FRY: variants seen among roughly 807,000 people sequenced by gnomAD.
FRY encodes the protein protein furry homolog.
Under a neutral mutation model 348.4 loss-of-function variants are expected in FRY, and 128 were observed. The observed-to-expected ratio is 0.37, with a 90% confidence interval of 0.32 to 0.43. The LOEUF (loss-of-function observed/expected upper bound fraction) is 0.43. Among genes scored for constraint, FRY ranks in the 20% least tolerant of loss-of-function variants. The pLI is 1.00. For missense variants in FRY, 2,736 were observed against 3,695.2 expected (o/e 0.74, Z 6.73); for synonymous variants, 1,370 against 1,374.7 (o/e 1.00, Z 0.08).
At chr13:32,214,577 G>T (rs1884877371) in intron 35 of FRY, among the ~76,000 whole-genome samples, 1 of 152,178 alleles carries the variant, frequency 6.6e-6, no homozygotes, top group Non-Finnish European at 1.5e-5. Flanking sequence ...TCAGTGATTA[G>T]TCTACTGTGC....
chr13:32,231,600 G>A (rs1194248488), intron 41 of FRY, among the ~76,000 whole-genome samples: 2 of 152,190 alleles, frequency 1.3e-5, no homozygotes, highest in African/African-American at 4.8e-5. Flanking sequence ...AGGCTATGAG[G>A]AATAAATCTC....
chr13:32,202,493 G>A lies in FRY; in HGVS notation c.3984G>A (p.Arg1328=), dbSNP rs776936188. The A allele has an allele frequency of 6.2e-7, 1 of 1,613,864 alleles. No homozygotes were observed. Among genetic ancestry groups the A allele is most frequent in the South Asian group, 1.1e-5 (1 of 91,070 alleles). ...CCCTCTTGTCATGTGAGCTGGCCAGGATGTACCCTGAGCTCACACTCCCCC... is the reference window on the plus strand; with the variant it reads ...CCCTCTTGTCATGTGAGCTGGCCAGAATGTACCCTGAGCTCACACTCCCCC... The part of the protein sequence containing the change: ...SLALLSCELA[R]MYPELTLPLF... The change falls in exon 31 of 61, where the codon AGG becomes AGA. Residue 1328 remains arginine, a synonymous_variant. Transcript: ENST00000542859.
At chr13:32,183,389 A>C (rs980764282) in intron 24 of FRY, among the ~76,000 whole-genome samples, 6 of 152,238 alleles carry the variant, frequency 3.9e-5, no homozygotes, top group Admixed American at 2.6e-4. Context: ...AATTTGTTTC[A>C]TCTGGCATAC....
intron 23 of FRY, among the ~76,000 whole-genome samples, chr13:32,181,805 AAT>A (rs1593706211): frequency 1.3e-5 from 2 of 152,096 alleles, no homozygotes; most frequent in African/African-American, 4.8e-5. Flanking sequence ...AATAAATAAA[AAT>A]ATATAAGTGT....
intron 1 of FRY, among the ~76,000 whole-genome samples, chr13:32,034,618 G>A (rs1872414573): frequency 6.6e-6 from 1 of 152,148 alleles, no homozygotes; most frequent in South Asian, 2.1e-4. Context: ...CACGGCTGCG[G>A]CCCCTTGTTA....
chr13:32,226,795 A>G (rs1408314501), intron 39 of FRY, among the ~76,000 whole-genome samples: 2 of 152,244 alleles, frequency 1.3e-5, no homozygotes, highest in African/African-American at 4.8e-5. Flanking sequence ...TTGGCTTCTA[A>G]CAGATGTTAA....
chr13:32,165,310 T>C (rs1393367341), intron 17 of FRY, among the ~76,000 whole-genome samples: 1 of 152,238 alleles, frequency 6.6e-6, no homozygotes, highest in Non-Finnish European at 1.5e-5. Flanking sequence ...TTTCCACATA[T>C]GCCTGTGTTG....
intron 22 of FRY, 56 bp downstream of exon 22, chr13:32,179,089 G>A: frequency 7.1e-7 from 1 of 1,414,222 alleles, no homozygotes; most frequent in Non-Finnish European, 9.9e-7. Context: ...TAGCTTGTTT[G>A]TCTAGAGTTC....
intron 14 of FRY, among the ~76,000 whole-genome samples, chr13:32,151,592 T>G (rs1230312899): frequency 1.3e-5 from 2 of 152,272 alleles, no homozygotes; most frequent in Non-Finnish European, 2.9e-5. Context: ...ATCTAAAGGA[T>G]TATCTTACTG....
At chr13:32,189,623 C>G (rs1189272819) in intron 28 of FRY, among the ~76,000 whole-genome samples, 1 of 151,762 alleles carries the variant, frequency 6.6e-6, no homozygotes, top group Non-Finnish European at 1.5e-5. Flanking sequence ...CAAGTTCAAT[C>G]AAGAAAGAGA....
At chr13:32,180,494 C>T (rs1012400685) in intron 23 of FRY, among the ~76,000 whole-genome samples, 1 of 152,240 alleles carries the variant, frequency 6.6e-6, no homozygotes, top group East Asian at 1.9e-4. Flanking sequence ...CTCAGCCCCC[C>T]AAAGTGCTGG....
At chr13:32,034,043 C>CA in intron 1 of FRY, among the ~76,000 whole-genome samples, 1 of 152,204 alleles carries the variant, frequency 6.6e-6, no homozygotes, top group East Asian at 1.9e-4. Context: ...CGGCTAATTG[C>CA]ACCTGCATGC....
chr13:32,208,535 T>C (rs1884489594), intron 31 of FRY, among the ~76,000 whole-genome samples: 1 of 152,184 alleles, frequency 6.6e-6, no homozygotes, highest in Non-Finnish European at 1.5e-5. Flanking sequence ...CACATGCCCT[T>C]CTAACTCCAA....
chr13:32,035,859 TGTCTAATGTTG>T (rs1235677243), intron 1 of FRY, among the ~76,000 whole-genome samples: 1 of 152,196 alleles, frequency 6.6e-6, no homozygotes, highest in Non-Finnish European at 1.5e-5. Context: ...CATTGTGAAA[TGTCTAATGTTG>T]CTGTAGAAAA....
At chr13:32,115,123 A>G (rs1030580154) in intron 3 of FRY, among the ~76,000 whole-genome samples, 1 of 152,204 alleles carries the variant, frequency 6.6e-6, no homozygotes, top group African/African-American at 2.4e-5. Flanking sequence ...AGCATGAAGT[A>G]GGCTATGAAG....
chr13:32,186,072 G>A (rs1883009026), intron 26 of FRY, among the ~76,000 whole-genome samples, 188 bp from the exon 27 acceptor site: 1 of 152,208 alleles, frequency 6.6e-6, no homozygotes. Context: ...GCTGCAACGT[G>A]AGGACAGGAA....
rs191468422 is a variant in FRY, at chr13:32,181,549, T to G, written c.2997-1428T>G. 2.7e-3 allele frequency among the ~76,000 whole-genome samples: 335 copies of G among 123,632 alleles called. 3 individuals carry two copies. The highest frequency in any genetic ancestry group is 9.9e-3 in the African/African-American group (315 of 31,750). 81.1% of individuals were successfully genotyped at this position (123,632 alleles called of 152,430 possible). On this transcript the variant is annotated intron_variant, in intron 23 of 60. Coordinates refer to ENST00000542859, the MANE Select transcript of FRY (RefSeq NM_023037.3). ...GCAGAGGTTGCAGTGCACTCCAGCC[T>G]GGGCAACTGAGTGATACTCCGTCAC... is the stretch of plus-strand genomic sequence containing the variant.
intron 2 of FRY, among the ~76,000 whole-genome samples, chr13:32,097,819 G>A (rs937148203): frequency 6.6e-6 from 1 of 151,858 alleles, no homozygotes; most frequent in African/African-American, 2.4e-5. Flanking sequence ...GAACTAAAAG[G>A]AATCTTCATA....
chr13:32,148,708 A>T (rs1376725279), intron 13 of FRY, among the ~76,000 whole-genome samples: 1 of 152,214 alleles, frequency 6.6e-6, no homozygotes, highest in East Asian at 1.9e-4. Flanking sequence ...GGGGATAAAA[A>T]TGCTTGCTTC....
Sources: gnomAD v4.1 joint callset for allele counts (sites outside exome capture counted in the v4.1 genomes callset) on GRCh38, gnomAD v4.1.1 for gene constraint, MANE v1.5 for transcripts, NCBI Gene and HGNC (gene_info 2026-07-23, HGNC 2026-07-21) for gene names.